The following TBC1D14 variants were observed in gnomAD, a reference collection of about 807,000 sequenced individuals.
TBC1D14 encodes the protein TBC1 domain family, member 14.
Under a neutral mutation model 79.0 loss-of-function variants are expected in TBC1D14, and 26 were observed. The ratio of observed to expected loss-of-function variants is 0.33; its 90% CI spans 0.24 to 0.46. The LOEUF is 0.46. TBC1D14 is among the 20% of genes least tolerant of loss of function. The probability of loss-of-function intolerance (pLI) is 1.00; values close to 1 mark genes in which losing one functional copy is unlikely to be tolerated. For missense variants in TBC1D14, 769 were observed against 887.6 expected (o/e 0.87, Z 1.70); for synonymous variants, 394 against 349.9 (o/e 1.13, Z -1.40).
intron 2 of TBC1D14, among the ~76,000 whole-genome samples, chr4:6,958,621 C>T (rs940572407): frequency 1.3e-5 from 2 of 152,034 alleles, no homozygotes; most frequent in Non-Finnish European, 2.9e-5. Flanking sequence ...GTTTTGTAGA[C>T]ATGAGGTCTT....
At chr4:6,914,777 C>T (rs934993483) in intron 1 of TBC1D14, among the ~76,000 whole-genome samples, 1 of 152,318 alleles carries the variant, frequency 6.6e-6, no homozygotes, top group Non-Finnish European at 1.5e-5. Flanking sequence ...CAATGGCTCA[C>T]ATCTGTAATC....
intron 9 of TBC1D14, chr4:7,007,545 C>T (rs562985752): frequency 4.6e-4 from 589 of 1,289,304 alleles, no homozygotes; most frequent in Non-Finnish European, 5.7e-4. Context: ...TGTGGATTTC[C>T]GTGTGGGTCT....
intron 12 of TBC1D14, among the ~76,000 whole-genome samples, chr4:7,018,613 T>C (rs1721510602): frequency 6.6e-6 from 1 of 152,218 alleles, no homozygotes; most frequent in Non-Finnish European, 1.5e-5. Flanking sequence ...CAGTGCACCC[T>C]GTACGCTGCC....
chr4:6,938,328 G>A (rs1479872873), intron 2 of TBC1D14, among the ~76,000 whole-genome samples: 1 of 152,158 alleles, frequency 6.6e-6, no homozygotes. Flanking sequence ...CCCTTGGGTG[G>A]ACATAACCTC....
chr4:6,945,465 A>G (rs975654448), intron 2 of TBC1D14, among the ~76,000 whole-genome samples: 4 of 152,174 alleles, frequency 2.6e-5, no homozygotes, highest in African/African-American at 9.6e-5. Context: ...TAAAGAAAGC[A>G]TAGCTGGTCG....
chr4:6,923,637 C>G lies in TBC1D14; in HGVS notation c.248C>G (p.Ala83Gly), dbSNP rs756133689. 6.2e-7 allele frequency: 1 copy of G among 1,613,960 alleles called. No homozygotes were observed. The highest frequency in any genetic ancestry group is 1.7e-5 in the Admixed American group (1 of 60,034). The part of the protein sequence containing the change: ...IGNPEPVPCS[A>G]VHVRRKQSDS... ...AACCCGGAGCCTGTACCCTGCAGCG[C>G]GGTCCACGTGAGGAGGAAGCAGTCC... Residue 83 changes from alanine to glycine, a missense_variant, in exon 2 of 14, where the codon GCG (alanine) becomes GGG (glycine). Coordinates refer to ENST00000409757, the MANE Select transcript of TBC1D14 (RefSeq NM_020773.3).
intron 1 of TBC1D14, among the ~76,000 whole-genome samples, chr4:6,921,539 T>G (rs981825273): frequency 6.6e-6 from 1 of 151,872 alleles, no homozygotes; most frequent in Admixed American, 6.6e-5. Flanking sequence ...ATTTTTTTAT[T>G]TTTTGAAATG....
In TBC1D14 at chr4:6,962,908, C is replaced by T. The variant is rs1715358931; in HGVS notation, c.723-4396C>T. Among the ~76,000 whole-genome samples the T allele has an allele frequency of 2.0e-5, 3 of 152,230 alleles. No homozygotes were observed. In the South Asian group the frequency reaches 6.2e-4, roughly 31 times the overall value. Reference sequence around the variant, plus strand: ...CTTGCCTCCCCTGCACACACACACACACGGTGGCTGCTCCATTTGCCAGCA... The same window carrying T: ...CTTGCCTCCCCTGCACACACACACATACGGTGGCTGCTCCATTTGCCAGCA... On this transcript the variant is annotated intron_variant, in intron 2 of 13. Coordinates refer to ENST00000409757, the MANE Select transcript of TBC1D14 (RefSeq NM_020773.3).
chr4:6,992,382 T>C (rs555709309), intron 3 of TBC1D14, among the ~76,000 whole-genome samples: 1 of 152,344 alleles, frequency 6.6e-6, no homozygotes, highest in African/African-American at 2.4e-5. Context: ...GGCCCAGCCT[T>C]GCTGGCTGTA....
At chr4:7,023,930 T>A (rs975812583) in intron 12 of TBC1D14, among the ~76,000 whole-genome samples, 1 of 152,232 alleles carries the variant, frequency 6.6e-6, no homozygotes, top group Non-Finnish European at 1.5e-5. Context: ...GAATGAAGTC[T>A]AGATTTTTAG....
At chr4:6,989,481 G>C (rs1718263379) in intron 3 of TBC1D14, among the ~76,000 whole-genome samples, 1 of 152,180 alleles carries the variant, frequency 6.6e-6, no homozygotes, top group African/African-American at 2.4e-5. Flanking sequence ...TGTCCACTCA[G>C]CTGGCCCCTT....
intron 2 of TBC1D14, among the ~76,000 whole-genome samples, chr4:6,946,389 A>G (rs781469631): frequency 9.2e-5 from 14 of 152,014 alleles, no homozygotes; most frequent in African/African-American, 1.9e-4. Flanking sequence ...CTGGAGTGCA[A>G]TGGTGCAATC....
At chr4:6,954,436 C>CG in intron 2 of TBC1D14, 2 of 715,046 alleles carry the variant, frequency 2.8e-6, no homozygotes, top group Non-Finnish European at 5.2e-6. Flanking sequence ...ATGTGACCGT[C>CG]GGCCTTGGTT....
chr4:6,967,473 A>G (rs570937201), intron 3 of TBC1D14, 49 bp downstream of exon 3: 17 of 1,598,010 alleles, frequency 1.1e-5, no homozygotes, highest in South Asian at 2.2e-5. Context: ...TGTGTTTAGC[A>G]TATATTCATG....
At chr4:7,010,849 G>GC in intron 11 of TBC1D14, 68 bp downstream of exon 11, 3 of 1,520,442 alleles carry the variant, frequency 2.0e-6, no homozygotes, top group Non-Finnish European at 2.7e-6. Context: ...TTACTCGTCT[G>GC]TGTTTTCGGT....
At chr4:6,983,938 A>G (rs1717595886) in intron 3 of TBC1D14, among the ~76,000 whole-genome samples, 1 of 152,210 alleles carries the variant, frequency 6.6e-6, no homozygotes, top group Non-Finnish European at 1.5e-5. Context: ...TGGAGAGGGT[A>G]GTGTTGAGAG....
intron 2 of TBC1D14, among the ~76,000 whole-genome samples, chr4:6,944,405 G>A (rs898463805): frequency 2.0e-5 from 3 of 152,202 alleles, no homozygotes; most frequent in Non-Finnish European, 2.9e-5. Context: ...TTCCCCATGG[G>A]CTTCAGAGTG....
At chr4:6,990,188 G>T (rs939560375) in intron 3 of TBC1D14, among the ~76,000 whole-genome samples, 1 of 152,178 alleles carries the variant, frequency 6.6e-6, no homozygotes, top group Non-Finnish European at 1.5e-5. Context: ...AGTGGCTCAC[G>T]CCTGTAATCC....
In TBC1D14 at chr4:6,941,465, A is replaced by G. The variant is rs115089534; in HGVS notation, c.722+17354A>G. Reference sequence around the variant, plus strand: ...CACCCAAAGTGCTGGGATTCCTGGCATGAGCCACTGCGCCCGGCCAAAAGC... The same window carrying G: ...CACCCAAAGTGCTGGGATTCCTGGCGTGAGCCACTGCGCCCGGCCAAAAGC... On this transcript the variant is annotated intron_variant, in intron 2 of 13. Transcript: ENST00000409757. Among the ~76,000 whole-genome samples the G allele has an allele frequency of 6.9e-3, 1,054 of 152,290 alleles. 4 individuals carry two copies. The highest frequency in any genetic ancestry group is 0.011 in the African/African-American group (453 of 41,564).
Sources: allele counts gnomAD v4.1 joint callset (sites outside exome capture counted in the v4.1 genomes callset), GRCh38; gene constraint gnomAD v4.1.1; transcripts MANE v1.5; gene names NCBI Gene and HGNC (gene_info 2026-07-23, HGNC 2026-07-21).